RNF216: variants seen among roughly 807,000 people sequenced by gnomAD.
RNF216 encodes the protein ring finger protein 216, also known as E3 ubiquitin-protein ligase RNF216.
A neutral mutation model predicts 110.8 loss-of-function variants in RNF216; 72 were observed. The ratio of observed to expected loss-of-function variants is 0.65; its 90% CI spans 0.54 to 0.79. RNF216 has a LOEUF of 0.79. RNF216 is among the 30% of genes least tolerant of loss of function. The pLI, the probability that RNF216 is intolerant of heterozygous loss-of-function variation, is 0.00. For synonymous variants in RNF216, 495 were observed against 407.5 expected, an observed-to-expected ratio of 1.21 and a Z score of -2.59; for missense variants, 1,342 against 1,141.2, an observed-to-expected ratio of 1.18 and a Z score of -2.54.
chr7:5,636,985 G>A (rs1025974840), intron 15 of RNF216, among the ~76,000 whole-genome samples: 2 of 152,130 alleles, frequency 1.3e-5, no homozygotes, highest in South Asian at 2.1e-4. Context: ...AAAAAGTGCT[G>A]AGAATAGGCC....
intron 13 of RNF216, among the ~76,000 whole-genome samples, chr7:5,679,053 T>C (rs1790488777): frequency 6.6e-6 from 1 of 152,126 alleles, no homozygotes; most frequent in Non-Finnish European, 1.5e-5. Context: ...AATTTAAGAG[T>C]ACAGAGATTA....
At chr7:5,732,753 G>A (rs1794165814) in intron 5 of RNF216, among the ~76,000 whole-genome samples, 1 of 152,196 alleles carries the variant, frequency 6.6e-6, no homozygotes, top group Non-Finnish European at 1.5e-5. Context: ...CAAAAGCAGT[G>A]GGGAAGCCTG....
intron 9 of RNF216, among the ~76,000 whole-genome samples, chr7:5,718,108 C>T (rs1435023593): frequency 6.6e-6 from 1 of 152,192 alleles, no homozygotes; most frequent in Non-Finnish European, 1.5e-5. Flanking sequence ...GGGCCAGGTG[C>T]AGTGGCTCAC....
At position 5,624,598 on chromosome 7, in the gene RNF216, C is replaced by T. The variant is rs185622900; in HGVS notation, c.2383-473G>A. On this transcript the variant is annotated intron_variant, in intron 15 of 16. Coordinates refer to ENST00000389902, the MANE Select transcript of RNF216 (RefSeq NM_207111.4). The surrounding 1 kb of genome is among the most constrained non-coding windows in gnomAD (Gnocchi z 4.4). ...TGGACAAATGTCCAGTCGGGCCCTG[C>T]TTAGCCCCCAAGGCTGGCCTTGGCT... Among the ~76,000 whole-genome samples the T allele has an allele frequency of 4.0e-4, 61 of 152,362 alleles. No homozygotes were observed. Among genetic ancestry groups the T allele is most frequent in the Admixed American group, 8.5e-4 (13 of 15,308 alleles).
chr7:5,720,980 G>A (rs527860628), intron 9 of RNF216, 53 bp downstream of exon 9: 149 of 1,591,008 alleles, frequency 9.4e-5, no homozygotes, highest in Admixed American at 5.1e-4. Context: ...TAAACCCTAA[G>A]AGCAAACCAG....
intron 13 of RNF216, among the ~76,000 whole-genome samples, chr7:5,688,430 C>A (rs1791119893): frequency 6.6e-6 from 1 of 152,136 alleles, no homozygotes; most frequent in African/African-American, 2.4e-5. Context: ...TTTAAATGTT[C>A]GTATCTCTGT....
rs1169238978 is a variant in RNF216, at chr7:5,781,642, G to C, written c.-171C>G. The C allele has an allele frequency of 1.3e-5, 2 of 152,342 alleles. No individual in the cohort carries two copies. Among genetic ancestry groups the C allele is most frequent in the Admixed American group, 6.5e-5 (1 of 15,284 alleles). 9.4% of individuals were successfully genotyped at this position (152,342 alleles called of 1,614,324 possible). Reference sequence around the variant, plus strand: ...AGCTGCGAGCTCCGTGGCAGCCGCTGCACTCCTTCCGGCCCTGCCGCGGCG... The same window carrying C: ...AGCTGCGAGCTCCGTGGCAGCCGCTCCACTCCTTCCGGCCCTGCCGCGGCG... On this transcript the variant is annotated 5_prime_UTR_variant, in exon 1 of 17. Coordinates refer to ENST00000389902, the MANE Select transcript of RNF216 (RefSeq NM_207111.4).
At position 5,741,401 on chromosome 7, in the gene RNF216, T is replaced by A; in HGVS notation, c.616A>T (p.Thr206Ser). Residue 206 changes from threonine (T) to serine (S), a missense_variant, in exon 4 of 17, where the codon ACA (threonine) becomes TCA (serine). By Grantham distance (58) the Thr-to-Ser change is moderately conservative (BLOSUM62 1). Transcript: ENST00000389902. ...TCTCCTAGATTTGATAACAGCTCTG[T>A]CTCTGAGTCTTCGGATGACTGGTTC... is the stretch of plus-strand genomic sequence containing the variant. ...TQNQSSEDSE[T>S]ELLSNLGESA... The A allele has an allele frequency of 6.2e-7, 1 of 1,614,190 alleles. No homozygotes were observed.
intron 13 of RNF216, among the ~76,000 whole-genome samples, chr7:5,653,389 G>A (rs966619056): frequency 6.6e-6 from 1 of 151,906 alleles, no homozygotes; most frequent in Non-Finnish European, 1.5e-5. Context: ...ATGAGGTCAG[G>A]AGATTGAAAC....
Position 5,620,160 on chromosome 7 carries a change from A to T in RNF216, c.*2700T>A, listed in dbSNP as rs1786263196. Reference sequence around the variant, plus strand: ...TATCTATTTTTACTACCAGAAGGTAAAGAAAAAGTTTAATGAACTAATCGT... The same window carrying T: ...TATCTATTTTTACTACCAGAAGGTATAGAAAAAGTTTAATGAACTAATCGT... On this transcript the variant is annotated 3_prime_UTR_variant, in exon 17 of 17. Transcript: ENST00000389902. 6.6e-6 allele frequency: 1 copy of T among 152,272 alleles called. No homozygotes were observed. Among genetic ancestry groups the T allele is most frequent in the Admixed American group, 6.5e-5 (1 of 15,290 alleles). 9.4% of individuals were successfully genotyped at this position (152,272 alleles called of 1,614,324 possible).
At chr7:5,661,654 T>C (rs1789149331) in intron 13 of RNF216, among the ~76,000 whole-genome samples, 1 of 152,106 alleles carries the variant, frequency 6.6e-6, no homozygotes, top group African/African-American at 2.4e-5. Flanking sequence ...AATACAAAAA[T>C]TAGCCAGGCG....
chr7:5,654,859 CCTAA>C (rs148232680), intron 13 of RNF216, among the ~76,000 whole-genome samples: 147 of 151,986 alleles, frequency 9.7e-4, no homozygotes, highest in South Asian at 4.2e-3. Context: ...TATTAGGGTG[CCTAA>C]CTATTACCCA....
intron 2 of RNF216, among the ~76,000 whole-genome samples, chr7:5,756,141 T>C (rs144141253): frequency 1.4e-3 from 215 of 152,088 alleles, no homozygotes; most frequent in African/African-American, 5.1e-3. Flanking sequence ...TGTCCGATGG[T>C]TTTATATGCA....
At chr7:5,770,802 C>CT (rs796604564) in intron 1 of RNF216, among the ~76,000 whole-genome samples, 124 of 144,788 alleles carry the variant, frequency 8.6e-4, no homozygotes, top group Admixed American at 1.2e-3. Context: ...AGAACAGATT[C>CT]TTTTTTTTTT....
At chr7:5,742,707 T>G (rs188414684) in intron 3 of RNF216, among the ~76,000 whole-genome samples, 1 of 147,682 alleles carries the variant, frequency 6.8e-6, no homozygotes, top group Non-Finnish European at 1.5e-5. Flanking sequence ...GCAATTATCC[T>G]GCCACAGCCT....
At chr7:5,776,518 C>T (rs1325249439) in intron 1 of RNF216, among the ~76,000 whole-genome samples, 2 of 149,174 alleles carry the variant, frequency 1.3e-5, no homozygotes, top group Non-Finnish European at 3.0e-5. Flanking sequence ...TGGCGAGAAC[C>T]CGGGAGGCGG....
At chr7:5,730,327 A>G (rs572568415) in intron 6 of RNF216, among the ~76,000 whole-genome samples, 1 of 152,342 alleles carries the variant, frequency 6.6e-6, no homozygotes, top group Non-Finnish European at 1.5e-5. Flanking sequence ...GTAGGTATAT[A>G]AATGATCAAC....
intron 4 of RNF216, 136 bp downstream of exon 4, chr7:5,740,837 T>C (rs976363544): frequency 2.6e-6 from 2 of 779,260 alleles, no homozygotes; most frequent in Admixed American, 3.3e-5. Context: ...TCTTCTATTC[T>C]GTACATCTAG....
At chr7:5,697,179 T>C (rs1791682108) in intron 13 of RNF216, among the ~76,000 whole-genome samples, 1 of 151,086 alleles carries the variant, frequency 6.6e-6, no homozygotes, top group Non-Finnish European at 1.5e-5. Context: ...TGGAGTAAAG[T>C]TCTCCCCATC....
Sources: gnomAD v4.1 joint callset for allele counts (sites outside exome capture counted in the v4.1 genomes callset) on GRCh38, gnomAD v4.1.1 for gene constraint, Gnocchi (gnomAD v3.1) non-coding constraint, MANE v1.5 for transcripts, NCBI Gene and HGNC (gene_info 2026-07-23, HGNC 2026-07-21) for gene names.